ADCK1: variants seen among roughly 807,000 people sequenced by gnomAD.
ADCK1 encodes the protein aarF domain-containing protein kinase 1.
In ADCK1, 41 loss-of-function variants were observed where a neutral mutation model predicts 52.3. The ratio of observed to expected loss-of-function variants is 0.78; its 90% CI spans 0.61 to 1.02. The LOEUF (loss-of-function observed/expected upper bound fraction) is 1.02. ADCK1 is among the 50% of genes least tolerant of loss of function. The pLI is 0.00. For synonymous variants in ADCK1, 250 were observed against 274.6 expected (o/e 0.91, Z 0.89); for missense variants, 658 against 679.5 (o/e 0.97, Z 0.35).
intron 4 of ADCK1, among the ~76,000 whole-genome samples, chr14:77,878,419 A>G (rs17753165): frequency 0.14 from 21,516 of 152,288 alleles, 2,002 homozygotes; most frequent in Middle Eastern, 0.21. Flanking sequence ...CAGTCCGTGC[A>G]GGGCAAAGAT....
chr14:77,889,899 A>C (rs976126833), intron 5 of ADCK1, among the ~76,000 whole-genome samples: 14 of 151,528 alleles, frequency 9.2e-5, no homozygotes, highest in Non-Finnish European at 1.9e-4. Context: ...AAAAAAAAAA[A>C]AAAAACAGAA....
At chr14:77,830,435 A>G (rs1207072154) in intron 3 of ADCK1, among the ~76,000 whole-genome samples, 1 of 151,144 alleles carries the variant, frequency 6.6e-6, no homozygotes, top group Non-Finnish European at 1.5e-5. Context: ...GATTACAGGT[A>G]TGAGCCACCG....
intron 3 of ADCK1, chr14:77,827,884 A>G (rs1438326689): frequency 4.9e-6 from 2 of 407,302 alleles, no homozygotes; most frequent in Non-Finnish European, 9.5e-6. Context: ...GCTGGAGTGC[A>G]TTGGCGTGAT....
intron 4 of ADCK1, among the ~76,000 whole-genome samples, chr14:77,878,366 C>A (rs568297702): frequency 6.6e-6 from 1 of 152,356 alleles, no homozygotes; most frequent in East Asian, 1.9e-4. Flanking sequence ...TTGAAGGGAC[C>A]AGACCTTACC....
At chr14:77,823,981 C>T (rs1198417324) in intron 3 of ADCK1, among the ~76,000 whole-genome samples, 1 of 152,094 alleles carries the variant, frequency 6.6e-6, no homozygotes, top group Non-Finnish European at 1.5e-5. Context: ...TCACTGCAAC[C>T]TCCATCTCCC....
At chr14:77,897,722 A>G (rs2083441933) in intron 5 of ADCK1, among the ~76,000 whole-genome samples, 2 of 152,336 alleles carry the variant, frequency 1.3e-5, no homozygotes, top group South Asian at 4.1e-4. Context: ...ACGTACAGAA[A>G]GTATAGAAAA....
At position 77,934,419 on chromosome 14, in the gene ADCK1, T is replaced by G. The variant is rs968985582; in HGVS notation, c.*1028T>G. 6.6e-6 allele frequency: 1 copy of G among 152,180 alleles called. No homozygotes were observed. The highest frequency in any genetic ancestry group is 1.5e-5 in the Non-Finnish European group (1 of 68,072). 9.4% of individuals were successfully genotyped at this position (152,180 alleles called of 1,614,324 possible). On this transcript the variant is annotated 3_prime_UTR_variant, in exon 11 of 11. Transcript: ENST00000238561. The stretch of plus-strand genomic sequence containing the variant: ...CAACCTTGTTCTACTGTTTCCTGAC[T>G]TATCCCTTTGGTTCTCATTCAGTGG...
intron 3 of ADCK1, among the ~76,000 whole-genome samples, chr14:77,858,542 G>A (rs1027979485): frequency 1.3e-5 from 2 of 152,100 alleles, no homozygotes; most frequent in Non-Finnish European, 1.5e-5. Flanking sequence ...GCCTGGCCTA[G>A]TGATTTCCTT....
In ADCK1 at chr14:77,933,934, A is replaced by G. The variant is rs2084399966; in HGVS notation, c.*543A>G. 6.5e-6 allele frequency: 1 copy of G among 152,950 alleles called. No individual in the cohort carries two copies. The highest frequency in any genetic ancestry group is 1.5e-5 in the Non-Finnish European group (1 of 68,542). 9.5% of individuals were successfully genotyped at this position (152,950 alleles called of 1,614,324 possible). A position where few individuals can be genotyped will look rare whatever the true frequency, so the allele number is the denominator to read the frequency against. On this transcript the variant is annotated 3_prime_UTR_variant, in exon 11 of 11. Transcript: ENST00000238561. Reference sequence around the variant, plus strand: ...GGTGTTTTCTGTACTGTGTTTCAATAAAAACTCCTTCAAGGTTGCAGGATT... The same window carrying G: ...GGTGTTTTCTGTACTGTGTTTCAATGAAAACTCCTTCAAGGTTGCAGGATT...
chr14:77,814,253 A>AT (rs1214650502), intron 1 of ADCK1, among the ~76,000 whole-genome samples: 2 of 151,250 alleles, frequency 1.3e-5, no homozygotes, highest in African/African-American at 4.9e-5. Flanking sequence ...TGATTTTTGT[A>AT]TTTTTTGTAG....
intron 9 of ADCK1, 110 bp downstream of exon 9, chr14:77,926,071 G>A: frequency 7.7e-7 from 1 of 1,290,828 alleles, no homozygotes; most frequent in Non-Finnish European, 1.1e-6. Flanking sequence ...GGTGGGCTGT[G>A]TGTTGGGGGA....
At chr14:77,873,744 C>A (rs2082837308) in intron 4 of ADCK1, among the ~76,000 whole-genome samples, 2 of 152,200 alleles carry the variant, frequency 1.3e-5, no homozygotes, top group Non-Finnish European at 2.9e-5. Flanking sequence ...CTCCTTCCTG[C>A]CGCCATGTGA....
At chr14:77,905,303 G>GTTTTTTTTT (rs1566722295) in intron 6 of ADCK1, among the ~76,000 whole-genome samples, 4 of 65,372 alleles carry the variant, frequency 6.1e-5, no homozygotes, top group South Asian at 8.1e-4. Context: ...TTTCCTAGCT[G>GTTTTTTTTT]GTTTTTTTTT....
At chr14:77,896,299 C>A (rs1401948062) in intron 5 of ADCK1, among the ~76,000 whole-genome samples, 1 of 152,178 alleles carries the variant, frequency 6.6e-6, no homozygotes, top group African/African-American at 2.4e-5. Context: ...AGAAGCTTCA[C>A]CCCCAAGTAG....
intron 1 of ADCK1, among the ~76,000 whole-genome samples, chr14:77,806,844 A>T (rs1274846207): frequency 6.6e-6 from 1 of 151,952 alleles, no homozygotes; most frequent in African/African-American, 2.4e-5. Context: ...CCTCCTGAGT[A>T]GCTGGGACTA....
chr14:77,933,350 G>T lies in ADCK1; in HGVS notation c.1531G>T (p.Val511Phe), dbSNP rs1188435599. Reference sequence around the variant, plus strand: ...GAAGGGGTTGAAGCTGGCTGACCGGGTCTTGGCCCTAATATGCTGGCTGTT... The same window carrying T: ...GAAGGGGTTGAAGCTGGCTGACCGGTTCTTGGCCCTAATATGCTGGCTGTT... ...RVKGLKLADR[V>F]LALICWLFPA... is the part of the protein sequence containing the mutation. The change falls in exon 11 of 11, where the codon GTC (valine) becomes TTC (phenylalanine). Residue 511 changes from valine (V) to phenylalanine (F), a missense_variant. Physicochemically the swap from Val to Phe is conservative, Grantham distance 50. Transcript: ENST00000238561. The T allele has an allele frequency of 6.2e-7, 1 of 1,614,128 alleles. No homozygotes were observed. The highest frequency in any genetic ancestry group is 8.5e-7 in the Non-Finnish European group (1 of 1,180,028).
intron 6 of ADCK1, among the ~76,000 whole-genome samples, chr14:77,907,339 T>G (rs1206607629): frequency 6.6e-6 from 1 of 152,190 alleles, no homozygotes; most frequent in Non-Finnish European, 1.5e-5. Context: ...GAAACAAAAT[T>G]TATCATCTGG....
intron 2 of ADCK1, among the ~76,000 whole-genome samples, chr14:77,821,897 A>C (rs2140037186): frequency 6.6e-6 from 1 of 151,312 alleles, no homozygotes; most frequent in African/African-American, 2.4e-5. Flanking sequence ...CTCAGAAAAA[A>C]AAAAAAAAAA....
intron 2 of ADCK1, among the ~76,000 whole-genome samples, chr14:77,820,638 ACGTGTG>A (rs754861212): frequency 1.5e-5 from 1 of 68,716 alleles, no homozygotes; most frequent in Admixed American, 1.7e-4. Flanking sequence ...GGCCAATTTT[ACGTGTG>A]TGTGTGTGTG....
Sources: allele counts gnomAD v4.1 joint callset (sites outside exome capture counted in the v4.1 genomes callset), GRCh38; gene constraint gnomAD v4.1.1; transcripts MANE v1.5; gene names NCBI Gene and HGNC (gene_info 2026-07-23, HGNC 2026-07-21).